Variants in DNMT3A observed in about 807,000 individuals in gnomAD.
The protein encoded by DNMT3A is DNA (cytosine-5)-methyltransferase 3A.
Under a neutral mutation model 117.6 loss-of-function variants are expected in DNMT3A, and 267 were observed. That is an observed-to-expected ratio of 2.27 (90% CI 2.05 to 2.51). DNMT3A has a LOEUF of 2.51. Ranked by LOEUF, DNMT3A falls within the 30% of genes most tolerant of loss-of-function variation. The pLI is 0.00. For synonymous variants in DNMT3A, 432 were observed against 474.8 expected (o/e 0.91, Z 1.17); for missense variants, 1,029 against 1,260.2 (o/e 0.82, Z 2.78).
At chr2:25,329,841 G>A (rs549710477) in intron 1 of DNMT3A, among the ~76,000 whole-genome samples, 1 of 152,320 alleles carries the variant, frequency 6.6e-6, no homozygotes, top group South Asian at 2.1e-4. Context: ...TGGGGCACCT[G>A]GAGCCAGAGG....
chr2:25,287,734 C>CCT (rs397967304), intron 3 of DNMT3A, among the ~76,000 whole-genome samples: 1 of 151,122 alleles, frequency 6.6e-6, no homozygotes, highest in African/African-American at 2.4e-5. Flanking sequence ...AGGACACCCC[C>CCT]GCCCCCAACA....
chr2:25,322,962 C>A (rs984524923), intron 1 of DNMT3A, among the ~76,000 whole-genome samples: 1 of 151,934 alleles, frequency 6.6e-6, no homozygotes, highest in African/African-American at 2.4e-5. Context: ...TTCTCCCTCC[C>A]TCTGCTTGCA....
At chr2:25,331,645 T>A (rs1354594331) in intron 1 of DNMT3A, among the ~76,000 whole-genome samples, 1 of 152,192 alleles carries the variant, frequency 6.6e-6, no homozygotes, top group Admixed American at 6.5e-5. Flanking sequence ...GCATTCCCAA[T>A]GCAAGGGTGC....
Position 25,282,562 on chromosome 2 carries a change from C to A in DNMT3A, c.327G>T (p.Gly109=). The change falls in exon 4 of 23, where the codon GGG becomes GGT. Residue 109 remains glycine, a synonymous_variant. Transcript: ENST00000321117. This position sits in a 1 kb window ranked among gnomAD's most constrained non-coding sequence, Gnocchi z 5.2. ...CCTCTGCTGGGGCCCCGCCCTTCTG[C>A]CCCCCAGCAGGGCTCCCCTCCTCTG... ...PQPEEGSPAG[G]QKGGAPAEGE... 1 of 1,613,384 alleles carries A rather than the reference C, an allele frequency of 6.2e-7. No individual in the cohort carries two copies. The highest frequency in any genetic ancestry group is 8.5e-7 in the Non-Finnish European group (1 of 1,179,930).
At chr2:25,290,345 C>T (rs1183397686) in intron 3 of DNMT3A, among the ~76,000 whole-genome samples, 3 of 126,878 alleles carry the variant, frequency 2.4e-5, no homozygotes, top group Non-Finnish European at 5.0e-5. Context: ...TTTTGAGACG[C>T]AGTCTCACTC....
intron 14 of DNMT3A, 47 bp from the exon 15 acceptor site, chr2:25,244,385 G>A: frequency 6.4e-7 from 1 of 1,571,332 alleles, no homozygotes; most frequent in Non-Finnish European, 8.6e-7. Context: ...CCCTGGTCCG[G>A]GGAGGCCAAG....
chr2:25,241,209 G>A (rs1673988477), intron 17 of DNMT3A, among the ~76,000 whole-genome samples: 1 of 152,332 alleles, frequency 6.6e-6, no homozygotes, highest in Middle Eastern at 3.4e-3. Context: ...AATCCAAAGA[G>A]CTCTACTAGA....
At chr2:25,278,184 G>A (rs1467308369) in intron 4 of DNMT3A, among the ~76,000 whole-genome samples, 1 of 152,236 alleles carries the variant, frequency 6.6e-6, no homozygotes, top group African/African-American at 2.4e-5. Flanking sequence ...GGGCCAGGTG[G>A]TTGTGACCTT....
rs530044895 is a variant in DNMT3A, at chr2:25,274,147, T to C, written c.639+794A>G. Among the ~76,000 whole-genome samples the C allele has an allele frequency of 2.6e-5, 4 of 152,338 alleles. No homozygotes were observed. The South Asian group carries it at 8.3e-4, about 32-fold the overall frequency. On this transcript the variant is annotated intron_variant, in intron 6 of 22. Coordinates refer to ENST00000321117, the MANE Select transcript of DNMT3A (RefSeq NM_022552.5). Reference sequence around the variant, plus strand: ...TCATCCTCCCCTGGGTCTTCCCATCTGAGCAAATGGCACAACCATCACCAG... The same window carrying C: ...TCATCCTCCCCTGGGTCTTCCCATCCGAGCAAATGGCACAACCATCACCAG...
chr2:25,300,946 A>C (rs2033478620), intron 2 of DNMT3A, among the ~76,000 whole-genome samples: 1 of 150,672 alleles, frequency 6.6e-6, no homozygotes, highest in Non-Finnish European at 1.5e-5. Flanking sequence ...ACACAATTAC[A>C]TTTGTGATCT....
intron 3 of DNMT3A, 42 bp downstream of exon 3, chr2:25,300,097 T>C: frequency 5.0e-6 from 8 of 1,598,140 alleles, no homozygotes; most frequent in Non-Finnish European, 6.8e-6. Flanking sequence ...CACGTGTGTG[T>C]TGTGTGTGTG....
intron 2 of DNMT3A, among the ~76,000 whole-genome samples, chr2:25,300,714 T>A (rs12990454): frequency 0.23 from 902 of 3,894 alleles, 37 homozygotes; most frequent in Non-Finnish European, 0.24. Context: ...AATAATATAA[T>A]ATATATATAT....
chr2:25,323,170 A>G (rs565550547), intron 1 of DNMT3A, among the ~76,000 whole-genome samples: 1 of 152,166 alleles, frequency 6.6e-6, no homozygotes, highest in East Asian at 1.9e-4. Context: ...GATGCGATGG[A>G]AGGATGCTAA....
chr2:25,342,019 G>C (rs2035482376), upstream of DNMT3A: 1 of 858,790 alleles, frequency 1.2e-6, no homozygotes, highest in Admixed American at 6.6e-5. The surrounding 1 kb of genome is among the most constrained non-coding windows in gnomAD (Gnocchi z 5.9). Flanking sequence ...TCCTCCGCCG[G>C]GTCCCCCCCT....
At chr2:25,335,455 T>C (rs1287377526) in intron 1 of DNMT3A, among the ~76,000 whole-genome samples, 2 of 152,104 alleles carry the variant, frequency 1.3e-5, no homozygotes, top group Admixed American at 6.5e-5. Flanking sequence ...CCCCAGACCA[T>C]GGCCGTTCCC....
In DNMT3A at chr2:25,257,544, A is replaced by T. The variant is rs1422723831; in HGVS notation, c.640-9292T>A. Among the ~76,000 whole-genome samples the T allele has an allele frequency of 6.6e-6, 1 of 151,988 alleles. No individual in the cohort carries two copies. The highest frequency in any genetic ancestry group is 1.5e-5 in the Non-Finnish European group (1 of 67,990). ...GGCTTAGCCGGCATGACCAGGAAAC[A>T]CCCGCTTCCTGACAAGACTAGGCTG... is the stretch of plus-strand genomic sequence containing the variant. On this transcript the variant is annotated intron_variant, in intron 6 of 22. Coordinates refer to ENST00000321117, the MANE Select transcript of DNMT3A (RefSeq NM_022552.5). The surrounding 1 kb of genome is among the most constrained non-coding windows in gnomAD (Gnocchi z 4.8).
Position 25,234,141 on chromosome 2 carries a change from T to G in DNMT3A, c.*138A>C. The G allele has an allele frequency of 4.5e-6, 6 of 1,344,086 alleles. No individual in the cohort carries two copies. Among genetic ancestry groups the G allele is most frequent in the Non-Finnish European group, 4.9e-6 (5 of 1,019,514 alleles). The allele number at this position is 1,344,086 out of a possible 1,614,324, so 83.3% of individuals were successfully genotyped here. A position where few individuals can be genotyped will look rare whatever the true frequency, so the allele number is the denominator to read the frequency against. On this transcript the variant is annotated 3_prime_UTR_variant, in exon 23 of 23. Coordinates refer to ENST00000321117, the MANE Select transcript of DNMT3A (RefSeq NM_022552.5). This position sits in a 1 kb window ranked among gnomAD's most constrained non-coding sequence, Gnocchi z 4.5. ...CCTCCGGTATTTCCGCCTCTGTGGTTTTTGTTTTAAATTCCTTTTTCTCTT... is the reference window on the plus strand; with the variant it reads ...CCTCCGGTATTTCCGCCTCTGTGGTGTTTGTTTTAAATTCCTTTTTCTCTT...
chr2:25,264,167 TCTCG>T (rs923240366), intron 6 of DNMT3A, among the ~76,000 whole-genome samples: 1 of 114,924 alleles, frequency 8.7e-6, no homozygotes, highest in Non-Finnish European at 1.8e-5. Context: ...TGAGACAAGG[TCTCG>T]CTCTGTCGCC....
At position 25,233,765 on chromosome 2, in the gene DNMT3A, A is replaced by G. The variant is rs1289265666; in HGVS notation, c.*514T>C. 5 of 156,940 alleles carry G rather than the reference A, an allele frequency of 3.2e-5. No individual in the cohort carries two copies. The highest frequency in any genetic ancestry group is 6.5e-5 in the Non-Finnish European group (5 of 77,042). The allele number at this position is 156,940 out of a possible 1,614,324, so 9.7% of individuals were successfully genotyped here. ...AGACAACAAAAAAAAGATATATAGTAAAAAAAAAAACCCAAAAAAAAAAAA... is the reference window on the plus strand; with the variant it reads ...AGACAACAAAAAAAAGATATATAGTGAAAAAAAAAACCCAAAAAAAAAAAA... On this transcript the variant is annotated 3_prime_UTR_variant, in exon 23 of 23. Coordinates refer to ENST00000321117, the MANE Select transcript of DNMT3A (RefSeq NM_022552.5).
Sources: allele counts gnomAD v4.1 joint callset (sites outside exome capture counted in the v4.1 genomes callset), GRCh38; gene constraint gnomAD v4.1.1; non-coding constraint Gnocchi (gnomAD v3.1); transcripts MANE v1.5; gene names NCBI Gene and HGNC (gene_info 2026-07-23, HGNC 2026-07-21).